Variants in SUPT3H observed in about 807,000 individuals in gnomAD.
SUPT3H encodes the protein transcription initiation protein SPT3 homolog.
In SUPT3H, 44 loss-of-function variants were observed where a neutral mutation model predicts 44.3. The observed-to-expected ratio is 0.99, with a 90% CI of 0.78 to 1.28. The LOEUF is 1.28. Among genes scored for constraint, SUPT3H ranks in the 50% most tolerant of loss-of-function variants. The probability of loss-of-function intolerance (pLI) is 0.00; values close to 1 mark genes in which losing one functional copy is unlikely to be tolerated. For synonymous variants in SUPT3H, 124 were observed against 125.6 expected (o/e 0.99, Z 0.09); for missense variants, 380 against 387.1 (o/e 0.98, Z 0.15).
At chr6:45,210,630 G>A (rs2153630254) in intron 2 of SUPT3H, among the ~76,000 whole-genome samples, 1 of 152,194 alleles carries the variant, frequency 6.6e-6, no homozygotes, top group Middle Eastern at 3.4e-3. Context: ...TGACCACCTT[G>A]AGCACATGTC....
At chr6:45,307,415 C>T (rs184797588) in intron 2 of SUPT3H, among the ~76,000 whole-genome samples, 280 of 152,318 alleles carry the variant, frequency 1.8e-3, no homozygotes, top group African/African-American at 6.5e-3. Flanking sequence ...CCCTCTGAGA[C>T]GAAACCTCCA....
chr6:45,236,601 G>A (rs1431696867), intron 2 of SUPT3H, among the ~76,000 whole-genome samples: 1 of 151,648 alleles, frequency 6.6e-6, no homozygotes, highest in South Asian at 2.1e-4. Flanking sequence ...TTTTCTGGAG[G>A]ACCTTGGGTG....
chr6:45,258,106 T>C (rs1773715236), intron 2 of SUPT3H, among the ~76,000 whole-genome samples: 1 of 152,222 alleles, frequency 6.6e-6, no homozygotes, highest in African/African-American at 2.4e-5. Context: ...TTGAATCCAA[T>C]TTTTCTGAAA....
chr6:45,367,636 A>G (rs1186404080), intron 1 of SUPT3H, among the ~76,000 whole-genome samples: 6 of 152,216 alleles, frequency 3.9e-5, no homozygotes, highest in Non-Finnish European at 2.9e-5. Flanking sequence ...AGAACATGTT[A>G]AACTCAAAGA....
intron 2 of SUPT3H, among the ~76,000 whole-genome samples, chr6:45,191,018 A>G (rs962906052): frequency 6.6e-6 from 1 of 152,058 alleles, no homozygotes; most frequent in Non-Finnish European, 1.5e-5. Context: ...GTCTTATAAA[A>G]CTAAACATAT....
rs1767647213 is a variant in SUPT3H at position 44,915,305 on chromosome 6, A to C, written c.912+17348T>G. Among the ~76,000 whole-genome samples the C allele has an allele frequency of 2.6e-5, 4 of 152,360 alleles. No homozygotes were observed. The Middle Eastern group carries it at 0.01, about 389-fold the overall frequency. ...TATCAGATGCTAAGATAACCTGGCG[A>C]CCAAGATTTCACAATTAAATTCTTA... On this transcript the variant is annotated intron_variant, in intron 10 of 10. Coordinates refer to ENST00000371459, the MANE Select transcript of SUPT3H (RefSeq NM_003599.4).
intron 2 of SUPT3H, among the ~76,000 whole-genome samples, chr6:45,112,911 T>C (rs961305947): frequency 5.9e-5 from 9 of 151,896 alleles, no homozygotes; most frequent in Admixed American, 5.9e-4. Context: ...TGTGGTTAAA[T>C]CATTCTGGAT....
At chr6:44,890,234 T>C (rs1477055019) in intron 10 of SUPT3H, among the ~76,000 whole-genome samples, 2 of 149,702 alleles carry the variant, frequency 1.3e-5, no homozygotes, top group Non-Finnish European at 3.0e-5. Context: ...AGAAATACCA[T>C]TTGACCCAGC....
chr6:45,061,985 AAC>A (rs938419545), intron 3 of SUPT3H, among the ~76,000 whole-genome samples: 2 of 151,638 alleles, frequency 1.3e-5, no homozygotes, highest in African/African-American at 4.8e-5. Context: ...TACACACTAA[AAC>A]ACACACTATT....
At chr6:45,295,524 CAA>C (rs752887669) in intron 2 of SUPT3H, among the ~76,000 whole-genome samples, 409 of 40,006 alleles carry the variant, frequency 0.01, 1 homozygote, top group Middle Eastern at 0.031. Flanking sequence ...TTTTGCACAG[CAA>C]AAAAAAAAAA....
intron 10 of SUPT3H, chr6:44,898,766 G>C (rs1764503671): frequency 6.6e-6 from 1 of 152,314 alleles, no homozygotes; most frequent in Non-Finnish European, 1.5e-5. Context: ...GACAGGAGCA[G>C]CCGGCTCACG....
At chr6:45,172,216 G>A (rs886226483) in intron 2 of SUPT3H, among the ~76,000 whole-genome samples, 1 of 151,274 alleles carries the variant, frequency 6.6e-6, no homozygotes, top group African/African-American at 2.4e-5. Flanking sequence ...GGGACTATAG[G>A]CTCACGCTAC....
At chr6:44,853,084 A>G (rs553659615) in intron 10 of SUPT3H, among the ~76,000 whole-genome samples, 9 of 152,332 alleles carry the variant, frequency 5.9e-5, no homozygotes, top group Non-Finnish European at 1.0e-4. Context: ...TTTTTTAATT[A>G]TAATAACAAA....
chr6:45,268,095 TA>T (rs1351178854), intron 2 of SUPT3H, among the ~76,000 whole-genome samples: 2 of 152,164 alleles, frequency 1.3e-5, no homozygotes, highest in African/African-American at 2.4e-5. Context: ...TATTCAAAGT[TA>T]AAAAACAAAT....
intron 2 of SUPT3H, among the ~76,000 whole-genome samples, chr6:45,348,755 T>G (rs1791440550): frequency 5.3e-5 from 8 of 151,920 alleles, no homozygotes; most frequent in Admixed American, 5.2e-4. Flanking sequence ...AAGATGTTAG[T>G]GCACATTACC....
chr6:44,963,993 G>A (rs571356227), intron 6 of SUPT3H, among the ~76,000 whole-genome samples: 1 of 140,436 alleles, frequency 7.1e-6, no homozygotes, highest in South Asian at 2.2e-4. Context: ...GGGAGACTCC[G>A]TTTCAAAAAA....
chr6:45,364,104 G>C (rs1319546980), intron 2 of SUPT3H, among the ~76,000 whole-genome samples: 1 of 130,198 alleles, frequency 7.7e-6, no homozygotes, highest in Non-Finnish European at 1.6e-5. Context: ...AACAGAGTGA[G>C]ACTCTGTCTC....
chr6:45,341,376 T>C (rs1039160864), intron 2 of SUPT3H, among the ~76,000 whole-genome samples: 3 of 152,156 alleles, frequency 2.0e-5, no homozygotes, highest in African/African-American at 7.2e-5. Context: ...TCTATGAATC[T>C]CAACAGACTT....
chr6:44,922,287 T>C (rs1284852054), intron 10 of SUPT3H, among the ~76,000 whole-genome samples: 1 of 151,234 alleles, frequency 6.6e-6, no homozygotes, highest in African/African-American at 2.4e-5. Flanking sequence ...AACTTGCATA[T>C]AGTCTTAAAT....
Sources: gnomAD v4.1 joint callset for allele counts (sites outside exome capture counted in the v4.1 genomes callset) on GRCh38, gnomAD v4.1.1 for gene constraint, MANE v1.5 for transcripts, NCBI Gene and HGNC (gene_info 2026-07-23, HGNC 2026-07-21) for gene names.